Variants in KIAA1217 observed in about 807,000 individuals in gnomAD.
KIAA1217 encodes sickle tail protein homolog.
KIAA1217 carries 88 observed loss-of-function variants against 163.9 expected under a neutral mutation model. The observed-to-expected ratio is 0.54, with a 90% CI of 0.45 to 0.64. The LOEUF (loss-of-function observed/expected upper bound fraction) is 0.64, where lower values mean the gene tolerates loss of function less well. Ranked by LOEUF, KIAA1217 falls within the 30% of genes least tolerant of loss-of-function variation. KIAA1217 has a pLI of 0.00. For missense variants in KIAA1217, 2,372 were observed against 2,475.0 expected, an observed-to-expected ratio of 0.96 and a Z score of 0.88; for synonymous variants, 903 against 923.1, an observed-to-expected ratio of 0.98 and a Z score of 0.39.
intron 2 of KIAA1217, among the ~76,000 whole-genome samples, chr10:24,282,497 A>G (rs549055199): frequency 1.4e-4 from 22 of 152,282 alleles, no homozygotes; most frequent in African/African-American, 4.8e-4. Context: ...TTATTCAATC[A>G]TTCGTTTATA....
chr10:23,704,164 GTGTGTGTGTATATATA>G (rs1300964012), intron 1 of KIAA1217, among the ~76,000 whole-genome samples: 6 of 80,590 alleles, frequency 7.4e-5, no homozygotes, highest in African/African-American at 3.6e-4. Context: ...GTGTGTGTGT[GTGTGTGTGTATATATA>G]TATATATATA....
intron 2 of KIAA1217, among the ~76,000 whole-genome samples, chr10:24,307,440 C>T (rs1200625001): frequency 6.6e-6 from 1 of 152,134 alleles, no homozygotes; most frequent in Non-Finnish European, 1.5e-5. Context: ...CGTGTACACA[C>T]TTCTTGACCC....
intron 1 of KIAA1217, among the ~76,000 whole-genome samples, chr10:23,824,266 AC>A (rs1837763723): frequency 6.6e-6 from 1 of 151,700 alleles, no homozygotes. Context: ...AGGAGTTAAG[AC>A]CCTGTCTCAA....
chr10:24,313,830 C>T (rs1303277605), intron 2 of KIAA1217, among the ~76,000 whole-genome samples: 4 of 149,152 alleles, frequency 2.7e-5, no homozygotes, highest in Non-Finnish European at 4.5e-5. Flanking sequence ...TTTTGGTGAA[C>T]ATCCATCTGG....
intron 1 of KIAA1217, among the ~76,000 whole-genome samples, chr10:23,709,147 A>G: frequency 6.6e-6 from 1 of 152,166 alleles, no homozygotes; most frequent in Admixed American, 6.5e-5. Flanking sequence ...CCGTTGCCCC[A>G]CCAGCCTGCG....
chr10:24,224,824 C>CTTTTT (rs1286749568), intron 2 of KIAA1217, among the ~76,000 whole-genome samples: 1,878 of 120,948 alleles, frequency 0.016, 94 homozygotes, highest in African/African-American at 0.057. Context: ...AATCATTTGA[C>CTTTTT]TTTTTTTTTT....
At chr10:23,866,621 C>T (rs1453962610) in intron 1 of KIAA1217, among the ~76,000 whole-genome samples, 1 of 151,912 alleles carries the variant, frequency 6.6e-6, no homozygotes, top group African/African-American at 2.4e-5. Flanking sequence ...TGCACCCTAC[C>T]CCTGCTTGGG....
chr10:23,702,602 T>G (rs989474279), intron 1 of KIAA1217, among the ~76,000 whole-genome samples: 2 of 151,622 alleles, frequency 1.3e-5, no homozygotes, highest in Non-Finnish European at 2.9e-5. Context: ...AGATTCAGGT[T>G]GGGCATTTTT....
At chr10:23,953,742 A>G (rs1049690710) in intron 1 of KIAA1217, among the ~76,000 whole-genome samples, 4 of 152,260 alleles carry the variant, frequency 2.6e-5, no homozygotes, top group Non-Finnish European at 2.9e-5. Context: ...TACCTGGCAC[A>G]GAATAAGTGC....
At chr10:24,061,373 AT>A (rs1391637412) in intron 2 of KIAA1217, among the ~76,000 whole-genome samples, 1 of 152,122 alleles carries the variant, frequency 6.6e-6, no homozygotes, top group East Asian at 1.9e-4. Context: ...GTTATAGTAA[AT>A]TTAATAGTGT....
chr10:24,211,114 A>G (rs553697747), intron 1 of KIAA1217, among the ~76,000 whole-genome samples: 1 of 152,270 alleles, frequency 6.6e-6, no homozygotes, highest in East Asian at 1.9e-4. Flanking sequence ...CAGGAAAAGG[A>G]ATAAGGAGTG....
chr10:23,982,847 A>T (rs1463201229), intron 1 of KIAA1217, among the ~76,000 whole-genome samples: 1 of 152,096 alleles, frequency 6.6e-6, no homozygotes, highest in Non-Finnish European at 1.5e-5. Flanking sequence ...TACAGGCATG[A>T]GCCACAGCAC....
At chr10:23,844,675 T>C (rs1462279156) in intron 1 of KIAA1217, among the ~76,000 whole-genome samples, 1 of 152,098 alleles carries the variant, frequency 6.6e-6, no homozygotes, top group African/African-American at 2.4e-5. Context: ...TTGGAGTCCC[T>C]CAAGGCTTGG....
At chr10:23,857,802 G>A (rs114098927) in intron 1 of KIAA1217, among the ~76,000 whole-genome samples, 490 of 152,152 alleles carry the variant, frequency 3.2e-3, no homozygotes, top group African/African-American at 0.011. Flanking sequence ...TAGCTATTTA[G>A]ATTTATGGAT....
chr10:23,709,915 G>A (rs114607211), intron 1 of KIAA1217, among the ~76,000 whole-genome samples: 1,863 of 152,258 alleles, frequency 0.012, 16 homozygotes, highest in Middle Eastern at 0.071. Flanking sequence ...ATTTTCTCTT[G>A]CTTTCAACAC....
chr10:24,255,945 A>C (rs2075102120), intron 2 of KIAA1217, among the ~76,000 whole-genome samples: 1 of 147,980 alleles, frequency 6.8e-6, no homozygotes, highest in African/African-American at 2.5e-5. Flanking sequence ...AGTTCATCTT[A>C]CCTTGCCGGG....
At chr10:23,802,829 G>T (rs1836535330) in intron 1 of KIAA1217, among the ~76,000 whole-genome samples, 1 of 152,180 alleles carries the variant, frequency 6.6e-6, no homozygotes, top group Admixed American at 6.5e-5. Flanking sequence ...AGAGTGTTTT[G>T]TGGAGTAGAT....
At chr10:23,928,481 T>C in intron 1 of KIAA1217, among the ~76,000 whole-genome samples, 1 of 152,200 alleles carries the variant, frequency 6.6e-6, no homozygotes, top group South Asian at 2.1e-4. Flanking sequence ...TATATAAATG[T>C]ATATGGTCAT....
chr10:24,538,578 AAGG>A (rs1421376002), intron 17 of KIAA1217, among the ~76,000 whole-genome samples: 1 of 67,530 alleles, frequency 1.5e-5, no homozygotes. Flanking sequence ...GGAAGGAAGG[AAGG>A]AAGGAAGGAA....
Sources: gnomAD v4.1 joint callset for allele counts (sites outside exome capture counted in the v4.1 genomes callset) on GRCh38, gnomAD v4.1.1 for gene constraint, MANE v1.5 for transcripts, NCBI Gene and HGNC (gene_info 2026-07-23, HGNC 2026-07-21) for gene names.